The following PLCG2 variants were observed in gnomAD, a reference collection of about 807,000 sequenced individuals.
PLCG2 encodes the protein phospholipase C gamma 2, also known as 1-phosphatidylinositol 4,5-bisphosphate phosphodiesterase gamma-2.
In PLCG2, 69 loss-of-function variants were observed where a neutral mutation model predicts 175.6. The ratio of observed to expected loss-of-function variants is 0.39; its 90% CI spans 0.32 to 0.48. The LOEUF (loss-of-function observed/expected upper bound fraction) is 0.48, where lower values mean the gene tolerates loss of function less well. Among genes scored for constraint, PLCG2 ranks in the 20% least tolerant of loss-of-function variants. The pLI is 0.91. For synonymous variants in PLCG2, 827 were observed against 624.0 expected, an observed-to-expected ratio of 1.33 and a Z score of -4.85; for missense variants, 1,798 against 1,650.9, an observed-to-expected ratio of 1.09 and a Z score of -1.54.
At position 81,788,608 on chromosome 16, in the gene PLCG2, C is replaced by G. The variant is rs180920277; in HGVS notation, c.193+2426C>G. On this transcript the variant is annotated intron_variant, in intron 2 of 32. Coordinates refer to ENST00000564138, the MANE Select transcript of PLCG2 (RefSeq NM_002661.5). ...TGTAAAAGTACCTGTTGCCTGAACCCTCATCTATGCTGCGTGGCTGCTGAA... is the reference window on the plus strand; with the variant it reads ...TGTAAAAGTACCTGTTGCCTGAACCGTCATCTATGCTGCGTGGCTGCTGAA... Among the ~76,000 whole-genome samples, 473 of 152,288 alleles carry G rather than the reference C, an allele frequency of 3.1e-3. 2 individuals carry two copies. The highest frequency in any genetic ancestry group is 0.011 in the African/African-American group (454 of 41,556).
chr16:81,803,816 G>C (rs1233418664), intron 2 of PLCG2, among the ~76,000 whole-genome samples: 1 of 151,948 alleles, frequency 6.6e-6, no homozygotes, highest in Non-Finnish European at 1.5e-5. Context: ...TGAGTGGCTG[G>C]GATTACAGGC....
chr16:81,934,945 A>G (rs36023013), intron 26 of PLCG2, among the ~76,000 whole-genome samples: 6,755 of 152,174 alleles, frequency 0.044, 208 homozygotes, highest in Non-Finnish European at 0.069. Flanking sequence ...CCATGATTCA[A>G]TTATCTCCTA....
chr16:81,801,220 C>A (rs1051357562), intron 2 of PLCG2, among the ~76,000 whole-genome samples: 1 of 152,156 alleles, frequency 6.6e-6, no homozygotes, highest in African/African-American at 2.4e-5. Flanking sequence ...GTGATGTTTG[C>A]TTTGGATCTT....
At chr16:81,781,716 A>G (rs1324181723) in intron 1 of PLCG2, among the ~76,000 whole-genome samples, 1 of 152,148 alleles carries the variant, frequency 6.6e-6, no homozygotes, top group African/African-American at 2.4e-5. Context: ...CTTACCACTC[A>G]AGTATTTGCC....
Position 81,889,302 on chromosome 16 carries a change from G to A in PLCG2, c.867+29G>A, listed in dbSNP as rs369089031. On this transcript the variant is annotated intron_variant, in intron 10 of 32. Transcript: ENST00000564138. ...AGTAGGCTGGGCTTGTTGTCGCTTG[G>A]GGGTGACTTTTTGATTGATGTCTGT... 1.0e-5 allele frequency: 13 copies of A among 1,281,448 alleles called. No individual in the cohort carries two copies. The Admixed American group carries it at 2.5e-4, about 24-fold the overall frequency. The allele number at this position is 1,281,448 out of a possible 1,614,324, so 79.4% of individuals were successfully genotyped here.
At chr16:81,931,682 TGGGCCTGGCATTCTGA>T in intron 25 of PLCG2, 28 bp downstream of exon 25, 1 of 1,605,912 alleles carries the variant, frequency 6.2e-7, no homozygotes, top group Non-Finnish European at 8.5e-7. Context: ...CGGGTGCAGG[TGGGCCTGGCATTCTGA>T]GGGCTTTGGT....
intron 2 of PLCG2, among the ~76,000 whole-genome samples, chr16:81,840,755 G>C (rs1905779235): frequency 6.6e-6 from 1 of 152,200 alleles, no homozygotes. Flanking sequence ...GCCACAGACA[G>C]GTGCCAGTTC....
chr16:81,765,679 G>T (rs887430862), intron 2 of PLCG2, among the ~76,000 whole-genome samples: 1 of 152,194 alleles, frequency 6.6e-6, no homozygotes, highest in Non-Finnish European at 1.5e-5. Flanking sequence ...TGACCCCGGG[G>T]TCTCAGACTT....
chr16:81,902,540 C>G (rs1295270717), intron 14 of PLCG2, among the ~76,000 whole-genome samples: 2 of 152,078 alleles, frequency 1.3e-5, no homozygotes, highest in Admixed American at 6.5e-5. Context: ...TCTTTGGCCT[C>G]TTTTATAAGG....
At chr16:81,789,899 C>G (rs975913914) in intron 2 of PLCG2, among the ~76,000 whole-genome samples, 1 of 152,054 alleles carries the variant, frequency 6.6e-6, no homozygotes, top group East Asian at 1.9e-4. Flanking sequence ...AGGCGCCGCC[C>G]TAGGCGCTAG....
At chr16:81,804,430 G>A (rs1425296413) in intron 2 of PLCG2, among the ~76,000 whole-genome samples, 1 of 152,190 alleles carries the variant, frequency 6.6e-6, no homozygotes, top group Non-Finnish European at 1.5e-5. Flanking sequence ...GCTGACTAGG[G>A]CGTAAATGAA....
chr16:81,761,104 C>G (rs575840845), intron 2 of PLCG2, among the ~76,000 whole-genome samples: 1 of 152,092 alleles, frequency 6.6e-6, no homozygotes, highest in African/African-American at 2.4e-5. Flanking sequence ...ACTATGTTGC[C>G]CAGGCTGGTC....
intron 2 of PLCG2, among the ~76,000 whole-genome samples, chr16:81,828,769 A>G (rs181317125): frequency 1.6e-4 from 25 of 152,290 alleles, no homozygotes; most frequent in African/African-American, 5.8e-4. Flanking sequence ...ACAATGTGGC[A>G]TTTTCCTGAG....
intron 25 of PLCG2, among the ~76,000 whole-genome samples, chr16:81,932,966 G>A (rs149524231): frequency 2.6e-4 from 39 of 152,292 alleles, no homozygotes; most frequent in African/African-American, 7.5e-4. Context: ...GAGGTGCCAC[G>A]ACCCTGAGGT....
chr16:81,945,502 G>A (rs1347294149), intron 30 of PLCG2, among the ~76,000 whole-genome samples: 2 of 152,214 alleles, frequency 1.3e-5, no homozygotes, highest in East Asian at 3.9e-4. Flanking sequence ...TTCTGTTTCA[G>A]CCCTGTGTTC....
At chr16:81,882,404 G>A (rs1350039278) in intron 8 of PLCG2, among the ~76,000 whole-genome samples, 12 of 152,130 alleles carry the variant, frequency 7.9e-5, no homozygotes, top group Non-Finnish European at 1.5e-4. Flanking sequence ...GTCTGGTGGG[G>A]CCTCATGTGG....
chr16:81,852,974 A>T (rs1442162995), intron 2 of PLCG2, among the ~76,000 whole-genome samples: 1 of 152,102 alleles, frequency 6.6e-6, no homozygotes, highest in Non-Finnish European at 1.5e-5. Flanking sequence ...AGGTAGTCTG[A>T]CTTCTTACAC....
intron 2 of PLCG2, among the ~76,000 whole-genome samples, chr16:81,796,607 C>G (rs1215549435): frequency 1.3e-5 from 2 of 152,186 alleles, no homozygotes; most frequent in East Asian, 3.8e-4. Flanking sequence ...GAAAGAGGGT[C>G]TTTGCAGATG....
intron 30 of PLCG2, among the ~76,000 whole-genome samples, chr16:81,942,986 G>A (rs1281871181): frequency 6.6e-6 from 1 of 152,108 alleles, no homozygotes; most frequent in East Asian, 1.9e-4. Flanking sequence ...GCGAGAGAAG[G>A]TACATAGAGC....
Sources: gnomAD v4.1 joint callset for allele counts (sites outside exome capture counted in the v4.1 genomes callset) on GRCh38, gnomAD v4.1.1 for gene constraint, MANE v1.5 for transcripts, NCBI Gene and HGNC (gene_info 2026-07-23, HGNC 2026-07-21) for gene names.